Variants in CDK14 observed in about 807,000 individuals in gnomAD.
CDK14 encodes the protein cyclin dependent kinase 14.
CDK14 carries 34 observed loss-of-function variants against 60.7 expected under a neutral mutation model. The observed-to-expected ratio is 0.56, with a 90% confidence interval of 0.43 to 0.75. The LOEUF (loss-of-function observed/expected upper bound fraction) is 0.75. CDK14 is among the 30% of genes least tolerant of loss of function. CDK14 has a pLI of 0.00. For missense variants in CDK14, 482 were observed against 564.1 expected (o/e 0.85, Z 1.47); for synonymous variants, 197 against 203.7 (o/e 0.97, Z 0.28).
chr7:91,174,196 C>T (rs373321168), intron 14 of CDK14, among the ~76,000 whole-genome samples: 6 of 152,012 alleles, frequency 3.9e-5, no homozygotes, highest in South Asian at 4.2e-4. Context: ...AGCAGGGGCA[C>T]ACTGACACCT....
chr7:90,933,860 A>T (rs556179359), intron 8 of CDK14, among the ~76,000 whole-genome samples: 1 of 152,366 alleles, frequency 6.6e-6, no homozygotes, highest in African/African-American at 2.4e-5. Context: ...GTTCATGTGG[A>T]CAGCAAAGCT....
At chr7:90,667,525 AT>A (rs1314047868) in intron 2 of CDK14, among the ~76,000 whole-genome samples, 2 of 149,084 alleles carry the variant, frequency 1.3e-5, no homozygotes, top group Non-Finnish European at 3.0e-5. Flanking sequence ...GGCCTCTTTC[AT>A]TTAGTTTAAT....
At chr7:90,852,537 G>T (rs1790679917) in intron 5 of CDK14, among the ~76,000 whole-genome samples, 1 of 152,144 alleles carries the variant, frequency 6.6e-6, no homozygotes, top group African/African-American at 2.4e-5. Flanking sequence ...CCACTCAGAG[G>T]CTGGGACTCC....
intron 2 of CDK14, among the ~76,000 whole-genome samples, chr7:90,646,083 A>G (rs1800461440): frequency 6.6e-6 from 1 of 152,152 alleles, no homozygotes; most frequent in Admixed American, 6.6e-5. Context: ...ATTAATGCCA[A>G]CTTCTTTTTG....
chr7:90,972,920 C>A (rs1794970912), intron 9 of CDK14, among the ~76,000 whole-genome samples: 1 of 152,154 alleles, frequency 6.6e-6, no homozygotes, highest in African/African-American at 2.4e-5. Context: ...TCAACCCATA[C>A]CCAGTAATTA....
rs147319507 is a variant in CDK14, at chr7:90,715,936, G to A, written c.124-10631G>A. On this transcript the variant is annotated intron_variant, in intron 2 of 14. Coordinates refer to ENST00000380050, the MANE Select transcript of CDK14 (RefSeq NM_001287135.2). The stretch of plus-strand genomic sequence containing the variant: ...CCTTTGGCTATAAATGTTTTGTTGA[G>A]GGGTGGGGGGAATATAGATATCAAT... Among the ~76,000 whole-genome samples the A allele has an allele frequency of 6.6e-5, 10 of 151,772 alleles. No homozygotes were observed. The East Asian group carries it at 1.9e-3, about 30-fold the overall frequency.
intron 5 of CDK14, among the ~76,000 whole-genome samples, chr7:90,830,063 C>T (rs914940506): frequency 5.3e-5 from 8 of 152,114 alleles, no homozygotes; most frequent in South Asian, 4.1e-4. Context: ...TGGAGAACAG[C>T]GGCCTTCTTC....
chr7:90,691,488 A>G (rs1180576073), intron 2 of CDK14, among the ~76,000 whole-genome samples: 1 of 152,098 alleles, frequency 6.6e-6, no homozygotes, highest in Non-Finnish European at 1.5e-5. Context: ...GCTGTTGTGG[A>G]TGGAGAATAG....
chr7:91,093,260 C>T (rs1798883580), intron 12 of CDK14, among the ~76,000 whole-genome samples: 1 of 152,158 alleles, frequency 6.6e-6, no homozygotes, highest in South Asian at 2.1e-4. Flanking sequence ...CATGCTTTTG[C>T]ACTGTTGCGT....
At chr7:91,019,074 G>C (rs1003827505) in intron 10 of CDK14, among the ~76,000 whole-genome samples, 4 of 152,084 alleles carry the variant, frequency 2.6e-5, no homozygotes, top group African/African-American at 9.7e-5. Flanking sequence ...TAACTTATTA[G>C]GATCATTGTG....
intron 4 of CDK14, among the ~76,000 whole-genome samples, chr7:90,769,260 A>G (rs2116886411): frequency 6.6e-6 from 1 of 152,258 alleles, no homozygotes; most frequent in African/African-American, 2.4e-5. Flanking sequence ...AATTGTATTC[A>G]TTGCTCATTT....
chr7:91,103,706 A>G, intron 12 of CDK14, among the ~76,000 whole-genome samples: 1 of 152,202 alleles, frequency 6.6e-6, no homozygotes, highest in Non-Finnish European at 1.5e-5. Flanking sequence ...CTGAGGTATA[A>G]AAACTAACCT....
intron 6 of CDK14, among the ~76,000 whole-genome samples, chr7:90,879,074 G>C (rs1303918341): frequency 6.6e-6 from 1 of 152,154 alleles, no homozygotes; most frequent in African/African-American, 2.4e-5. Context: ...TTTGGCCAAC[G>C]AATTGAGCAA....
At chr7:90,968,837 A>C (rs1037969332) in intron 9 of CDK14, among the ~76,000 whole-genome samples, 1 of 151,476 alleles carries the variant, frequency 6.6e-6, no homozygotes. Context: ...CAAAAAAAAA[A>C]CAGCTCTAGA....
At chr7:90,675,374 CT>C (rs1801179133) in intron 2 of CDK14, among the ~76,000 whole-genome samples, 1 of 141,608 alleles carries the variant, frequency 7.1e-6, no homozygotes, top group African/African-American at 2.7e-5. Context: ...TGTTTGAATG[CT>C]TTGCTTTTAA....
chr7:90,865,008 T>G (rs1791130906), intron 6 of CDK14, among the ~76,000 whole-genome samples: 1 of 152,178 alleles, frequency 6.6e-6, no homozygotes, highest in African/African-American at 2.4e-5. Flanking sequence ...TGGGTCATTT[T>G]TGGCTTATGA....
intron 4 of CDK14, among the ~76,000 whole-genome samples, chr7:90,769,450 C>CTG (rs1804694602): frequency 6.7e-6 from 1 of 148,552 alleles, no homozygotes; most frequent in South Asian, 2.1e-4. Context: ...AAGCTGACTT[C>CTG]TGTGATTTCT....
intron 2 of CDK14, chr7:90,710,388 A>G (rs1011451952): frequency 1.0e-6 from 1 of 985,100 alleles, no homozygotes; most frequent in South Asian, 4.7e-5. Flanking sequence ...AGGACGAGAG[A>G]CTACTTTTTC....
chr7:90,709,594 T>C, intron 2 of CDK14: 1 of 1,613,018 alleles, frequency 6.2e-7, no homozygotes, highest in Non-Finnish European at 8.5e-7. Flanking sequence ...TACTCTGCCT[T>C]CGTGGGAACT....
Sources: gnomAD v4.1 joint callset for allele counts (sites outside exome capture counted in the v4.1 genomes callset) on GRCh38, gnomAD v4.1.1 for gene constraint, MANE v1.5 for transcripts, NCBI Gene and HGNC (gene_info 2026-07-23, HGNC 2026-07-21) for gene names.